Variants in CAMK1D observed in about 807,000 individuals in gnomAD.
CAMK1D encodes the protein calcium/calmodulin-dependent protein kinase type 1D.
Under a neutral mutation model 47.7 loss-of-function variants are expected in CAMK1D, and 9 were observed. The observed-to-expected ratio is 0.19, with a 90% CI of 0.11 to 0.33. The LOEUF is 0.33. Among genes scored for constraint, CAMK1D ranks in the 10% least tolerant of loss-of-function variants. The probability of loss-of-function intolerance (pLI) is 1.00; values close to 1 mark genes in which losing one functional copy is unlikely to be tolerated. For missense variants in CAMK1D, 291 were observed against 488.7 expected (o/e 0.60, Z 3.81); for synonymous variants, 184 against 184.9 (o/e 0.99, Z 0.04).
intron 2 of CAMK1D, among the ~76,000 whole-genome samples, chr10:12,629,400 A>G (rs1839314117): frequency 6.6e-6 from 1 of 152,232 alleles, no homozygotes; most frequent in African/African-American, 2.4e-5. Flanking sequence ...GGCCAAAATG[A>G]CAATAAACAC....
rs775599891 is a variant in CAMK1D at position 12,835,370 on chromosome 10, C to T, written c.*6483C>T. On this transcript the variant is annotated 3_prime_UTR_variant, in exon 11 of 11. Coordinates refer to ENST00000619168, the MANE Select transcript of CAMK1D (RefSeq NM_153498.4). ...GAATTTATTCCATGCATGTAATAAA[C>T]TCTGCAAGAAGTTTAACCCACATAG... The T allele has an allele frequency of 6.6e-6, 1 of 152,186 alleles. No individual in the cohort carries two copies. Among genetic ancestry groups the T allele is most frequent in the Admixed American group, 6.5e-5 (1 of 15,276 alleles). The allele number at this position is 152,186 out of a possible 1,614,324, so 9.4% of individuals were successfully genotyped here.
chr10:12,774,916 G>A (rs954654750), intron 5 of CAMK1D, among the ~76,000 whole-genome samples: 19 of 152,276 alleles, frequency 1.2e-4, no homozygotes, highest in African/African-American at 3.6e-4. Flanking sequence ...TCCGTGAAAC[G>A]GGTTCTTTGT....
intron 2 of CAMK1D, among the ~76,000 whole-genome samples, chr10:12,651,677 C>G (rs538907821): frequency 6.6e-6 from 1 of 152,128 alleles, no homozygotes; most frequent in Non-Finnish European, 1.5e-5. Flanking sequence ...ACTGGGATTA[C>G]AGGCGTGAGC....
At chr10:12,536,697 CCAAA>C (rs1835982875) in intron 1 of CAMK1D, among the ~76,000 whole-genome samples, 1 of 152,082 alleles carries the variant, frequency 6.6e-6, no homozygotes, top group Non-Finnish European at 1.5e-5. Context: ...TATTATATAC[CCAAA>C]CAATGTAGCG....
At chr10:12,793,619 G>A (rs1838075598) in intron 6 of CAMK1D, among the ~76,000 whole-genome samples, 2 of 152,204 alleles carry the variant, frequency 1.3e-5, no homozygotes, top group Non-Finnish European at 2.9e-5. Flanking sequence ...TTCCTGACTT[G>A]CAGACAGCCA....
intron 1 of CAMK1D, among the ~76,000 whole-genome samples, chr10:12,401,778 CAG>C: frequency 6.6e-6 from 1 of 151,890 alleles, no homozygotes; most frequent in Non-Finnish European, 1.5e-5. Context: ...TCCTGAGACA[CAG>C]AGGATGGATG....
chr10:12,484,062 G>A (rs1834140124), intron 1 of CAMK1D, among the ~76,000 whole-genome samples: 1 of 152,112 alleles, frequency 6.6e-6, no homozygotes, highest in African/African-American at 2.4e-5. Context: ...GTTGGTGCCC[G>A]CAGCCACAAT....
chr10:12,482,626 T>G (rs1399488678), intron 1 of CAMK1D, among the ~76,000 whole-genome samples: 1 of 152,184 alleles, frequency 6.6e-6, no homozygotes, highest in Non-Finnish European at 1.5e-5. Context: ...ATGGGTTTTT[T>G]CCCCCATATG....
chr10:12,553,485 G>C, intron 2 of CAMK1D, 129 bp downstream of exon 2: 4 of 677,220 alleles, frequency 5.9e-6, no homozygotes, highest in Non-Finnish European at 1.0e-5. Flanking sequence ...CTGTGCAAAC[G>C]ATAACCAACT....
rs1564524022 is a variant in CAMK1D, at chr10:12,734,357, T to TAG, written c.300-26590_300-26589insGA. ...AAAAAAAAAAAAAAATATATATATA[T>TAG]ATATATATATATATATATATAGATA... On this transcript the variant is annotated intron_variant, in intron 3 of 10. Transcript: ENST00000619168. Among the ~76,000 whole-genome samples, 3 of 3,300 alleles carry TAG rather than the reference T, an allele frequency of 9.1e-4. 1 individual carries two copies. The highest frequency in any genetic ancestry group is 6.2e-3 in the Admixed American group (1 of 162). 2.2% of individuals were successfully genotyped at this position (3,300 alleles called of 152,430 possible). A position where few individuals can be genotyped will look rare whatever the true frequency, so the allele number is the denominator to read the frequency against.
intron 2 of CAMK1D, among the ~76,000 whole-genome samples, chr10:12,568,485 TTCTC>T (rs892938196): frequency 1.0e-5 from 1 of 97,832 alleles, no homozygotes; most frequent in Non-Finnish European, 2.1e-5. Context: ...TTCTTTCATT[TTCTC>T]TCTCTCTCTC....
intron 3 of CAMK1D, among the ~76,000 whole-genome samples, chr10:12,684,221 A>AT: frequency 6.6e-6 from 1 of 152,286 alleles, no homozygotes; most frequent in South Asian, 2.1e-4. Context: ...AGAAGCTAAC[A>AT]TTCTTCCTGG....
intron 2 of CAMK1D, among the ~76,000 whole-genome samples, chr10:12,654,214 A>G (rs538855209): frequency 6.6e-6 from 1 of 152,338 alleles, no homozygotes; most frequent in African/African-American, 2.4e-5. Context: ...GTTCTGTGTC[A>G]TTAACAGTAT....
Position 12,835,180 on chromosome 10 carries a change from T to C in CAMK1D, c.*6293T>C, listed in dbSNP as rs1472971478. Reference sequence around the variant, plus strand: ...CAATCTCTCAATTGGCTTTTGTCACTACACATAATGTAATCTCCCTTCTTT... The same window carrying C: ...CAATCTCTCAATTGGCTTTTGTCACCACACATAATGTAATCTCCCTTCTTT... On this transcript the variant is annotated 3_prime_UTR_variant, in exon 11 of 11. Transcript: ENST00000619168. The C allele has an allele frequency of 6.6e-6, 1 of 152,268 alleles. No homozygotes were observed. The highest frequency in any genetic ancestry group is 2.1e-4 in the South Asian group (1 of 4,836). 9.4% of individuals were successfully genotyped at this position (152,268 alleles called of 1,614,324 possible).
Position 12,827,472 on chromosome 10 carries a change from G to GTCTGTCTTTCTTTCTTTCTTTCTTTCTT in CAMK1D, c.1040-1294_1040-1293insGTCTTTCTTTCTTTCTTTCTTTCTTTCT. On this transcript the variant is annotated intron_variant, in intron 10 of 10. Coordinates refer to ENST00000619168, the MANE Select transcript of CAMK1D (RefSeq NM_153498.4). ...CTTTCTTTTCTTTCTTTGTCTGTCT[G>GTCTGTCTTTCTTTCTTTCTTTCTTTCTT]TCTTTCTTTCTTTCTTTCTTTCTTT... is the stretch of plus-strand genomic sequence containing the variant. Among the ~76,000 whole-genome samples, 2 of 5,098 alleles carry GTCTGTCTTTCTTTCTTTCTTTCTTTCTT rather than the reference G, an allele frequency of 3.9e-4. 1 individual carries two copies. The highest frequency in any genetic ancestry group is 5.4e-3 in the Admixed American group (2 of 372). 3.3% of individuals were successfully genotyped at this position (5,098 alleles called of 152,430 possible).
intron 1 of CAMK1D, among the ~76,000 whole-genome samples, chr10:12,371,507 C>T (rs376252445): frequency 6.8e-5 from 10 of 146,800 alleles, no homozygotes; most frequent in East Asian, 6.5e-4. Context: ...ACCCAGTAGG[C>T]GGAGGTTGCA....
chr10:12,397,408 G>C (rs959018983), intron 1 of CAMK1D, among the ~76,000 whole-genome samples: 4 of 152,076 alleles, frequency 2.6e-5, no homozygotes, highest in South Asian at 2.1e-4. Context: ...TTCCAGTCCT[G>C]GCTTCTCTTC....
intron 1 of CAMK1D, among the ~76,000 whole-genome samples, chr10:12,487,680 A>C (rs114644192): frequency 0.011 from 1,670 of 152,332 alleles, 33 homozygotes; most frequent in African/African-American, 0.038. Context: ...CTTCTTGTGG[A>C]TCCTACAAGG....
At chr10:12,516,258 A>T (rs1835208108) in intron 1 of CAMK1D, among the ~76,000 whole-genome samples, 1 of 152,076 alleles carries the variant, frequency 6.6e-6, no homozygotes, top group Non-Finnish European at 1.5e-5. Context: ...ACAGTTGTGC[A>T]GCACCACGCC....
Sources: gnomAD v4.1 joint callset for allele counts (sites outside exome capture counted in the v4.1 genomes callset) on GRCh38, gnomAD v4.1.1 for gene constraint, MANE v1.5 for transcripts, NCBI Gene and HGNC (gene_info 2026-07-23, HGNC 2026-07-21) for gene names.